Variants in CNBD1 observed in about 807,000 individuals in gnomAD.
CNBD1 encodes cyclic nucleotide binding domain containing 1.
Under a neutral mutation model 54.4 loss-of-function variants are expected in CNBD1, and 71 were observed. The observed-to-expected ratio is 1.30, with a 90% CI of 1.08 to 1.59. CNBD1 has a LOEUF of 1.59. CNBD1 is among the 40% of genes most tolerant of loss of function. The pLI is 0.00. For synonymous variants in CNBD1, 182 were observed against 170.7 expected, an observed-to-expected ratio of 1.07 and a Z score of -0.51; for missense variants, 659 against 518.0, an observed-to-expected ratio of 1.27 and a Z score of -2.64.
At chr8:87,124,189 A>G (rs973368394) in intron 4 of CNBD1, among the ~76,000 whole-genome samples, 6 of 151,652 alleles carry the variant, frequency 4.0e-5, no homozygotes, top group African/African-American at 1.4e-4. Context: ...TTTATAGGCA[A>G]TTATTTCTGA....
At chr8:87,180,912 G>C (rs1813298440) in intron 4 of CNBD1, among the ~76,000 whole-genome samples, 1 of 152,144 alleles carries the variant, frequency 6.6e-6, no homozygotes, top group Non-Finnish European at 1.5e-5. Context: ...CTGTAAACAA[G>C]TATCGAGGGT....
chr8:87,328,364 T>C (rs995205254), intron 8 of CNBD1, among the ~76,000 whole-genome samples: 1 of 151,956 alleles, frequency 6.6e-6, no homozygotes, highest in Non-Finnish European at 1.5e-5. Context: ...TTAACTACTT[T>C]ATTTAATATT....
intron 4 of CNBD1, among the ~76,000 whole-genome samples, chr8:87,125,968 A>G (rs1264272559): frequency 6.6e-6 from 1 of 151,904 alleles, no homozygotes; most frequent in African/African-American, 2.4e-5. Context: ...CAGCAAAATT[A>G]TTATGAGATT....
At chr8:87,200,085 A>G (rs1337664957) in intron 4 of CNBD1, among the ~76,000 whole-genome samples, 1 of 152,198 alleles carries the variant, frequency 6.6e-6, no homozygotes, top group Non-Finnish European at 1.5e-5. Context: ...ACAATACAAA[A>G]TGTGAATACA....
At position 87,372,662 on chromosome 8, in the gene CNBD1, AC is replaced by A. The variant is rs146481921; in HGVS notation, c.1304-9957del. 5.1e-3 allele frequency among the ~76,000 whole-genome samples: 778 copies of A among 151,982 alleles called. 24 individuals are homozygous for A. The highest frequency in any genetic ancestry group is 0.019 in the East Asian group (96 of 5,146). ...TTGTTACATAATACTTTATTTGTCC[AC>A]AAATAAGTGGCCTCTTTTCTGATGC... On this transcript the variant is annotated intron_variant, in intron 10 of 10. Coordinates refer to ENST00000518476, the MANE Select transcript of CNBD1 (RefSeq NM_173538.3).
chr8:87,353,474 A>T (rs1433716005), intron 9 of CNBD1, among the ~76,000 whole-genome samples, 162 bp from the exon 10 acceptor site: 1 of 152,190 alleles, frequency 6.6e-6, no homozygotes, highest in Non-Finnish European at 1.5e-5. Context: ...TATAATTGAA[A>T]TGCTTATGTA....
intron 4 of CNBD1, among the ~76,000 whole-genome samples, chr8:87,104,909 CAACTT>C (rs1241793355): frequency 3.3e-5 from 5 of 152,076 alleles, no homozygotes; most frequent in Non-Finnish European, 7.3e-5. Flanking sequence ...TGTTATGAAA[CAACTT>C]AAAGGTGTGA....
At chr8:86,868,084 T>G (rs930704660) in intron 1 of CNBD1, among the ~76,000 whole-genome samples, 2 of 152,186 alleles carry the variant, frequency 1.3e-5, no homozygotes, top group African/African-American at 4.8e-5. Flanking sequence ...AAGCACTGAT[T>G]GTCTCACTGC....
intron 6 of CNBD1, among the ~76,000 whole-genome samples, chr8:87,255,953 CAT>C (rs1435729775): frequency 1.7e-4 from 19 of 109,898 alleles, no homozygotes; most frequent in African/African-American, 3.8e-4. Context: ...ATAAAATACT[CAT>C]ATGATTTGCA....
chr8:87,208,026 T>A (rs1814014541), intron 5 of CNBD1, among the ~76,000 whole-genome samples: 1 of 152,192 alleles, frequency 6.6e-6, no homozygotes, highest in Non-Finnish European at 1.5e-5. Context: ...GGTGTCTGTC[T>A]CTCTCCTTTT....
In CNBD1 at chr8:87,166,125, T is replaced by C. The variant is rs1812957953; in HGVS notation, c.432-39868T>C. On this transcript the variant is annotated intron_variant, in intron 4 of 10. Transcript: ENST00000518476. This position sits in a 1 kb window ranked among gnomAD's most constrained non-coding sequence, Gnocchi z 4.3. The stretch of plus-strand genomic sequence containing the variant: ...TTCCTCTGCTGATCTGTCCCACTAA[T>C]AAAACCTCTTAAACTGTTCTTTTTC... Among the ~76,000 whole-genome samples the C allele has an allele frequency of 6.6e-6, 1 of 151,962 alleles. No homozygotes were observed. Among genetic ancestry groups the C allele is most frequent in the South Asian group, 2.1e-4 (1 of 4,838 alleles).
chr8:87,414,289 A>G (rs540626493), intron 2 of CNBD1, among the ~76,000 whole-genome samples: 96 of 151,934 alleles, frequency 6.3e-4, no homozygotes, highest in African/African-American at 2.0e-3. Flanking sequence ...ACCAAACACC[A>G]CATGTTCTCA....
chr8:87,109,541 T>TTTCTTTC (rs576791867), intron 4 of CNBD1, among the ~76,000 whole-genome samples: 2 of 50,116 alleles, frequency 4.0e-5, no homozygotes, highest in Non-Finnish European at 7.5e-5. Context: ...TCTTTCTTTC[T>TTTCTTTC]TTTTTTTTTT....
intron 8 of CNBD1, among the ~76,000 whole-genome samples, chr8:87,304,414 C>T (rs577491064): frequency 2.0e-5 from 3 of 151,888 alleles, no homozygotes; most frequent in South Asian, 2.1e-4. Context: ...CATGTTCTCA[C>T]TCATAGGTGG....
chr8:87,379,549 A>T (rs565951574), intron 10 of CNBD1, among the ~76,000 whole-genome samples: 12 of 151,978 alleles, frequency 7.9e-5, no homozygotes, highest in South Asian at 2.1e-4. Flanking sequence ...TGTTAAATTT[A>T]AAAAAAATCC....
chr8:87,113,647 C>T (rs563893593), intron 4 of CNBD1, among the ~76,000 whole-genome samples: 1 of 152,290 alleles, frequency 6.6e-6, no homozygotes, highest in South Asian at 2.1e-4. Context: ...GGGCCGGGCA[C>T]GGTGACTCAC....
intron 8 of CNBD1, among the ~76,000 whole-genome samples, chr8:87,323,364 G>C: frequency 1.5e-5 from 2 of 137,676 alleles, no homozygotes; most frequent in African/African-American, 2.8e-5. Flanking sequence ...AGCTTGATGG[G>C]GATGGCATTG....
intron 4 of CNBD1, among the ~76,000 whole-genome samples, chr8:87,071,381 C>T (rs925967288): frequency 6.6e-6 from 1 of 152,102 alleles, no homozygotes; most frequent in Non-Finnish European, 1.5e-5. Context: ...CTTAACAAAA[C>T]TCTTGAAAAG....
intron 10 of CNBD1, among the ~76,000 whole-genome samples, chr8:87,371,204 A>G (rs1206200124): frequency 4.2e-4 from 64 of 151,884 alleles, no homozygotes; most frequent in African/African-American, 1.4e-3. Context: ...TTGACTGGGC[A>G]ATGGGGGCTC....
Sources: gnomAD v4.1 joint callset for allele counts (sites outside exome capture counted in the v4.1 genomes callset) on GRCh38, gnomAD v4.1.1 for gene constraint, Gnocchi (gnomAD v3.1) non-coding constraint, MANE v1.5 for transcripts, NCBI Gene and HGNC (gene_info 2026-07-23, HGNC 2026-07-21) for gene names.